The following DARS1 variants were observed in gnomAD, a reference collection of about 807,000 sequenced individuals.
The protein encoded by DARS1 is aspartate--tRNA ligase, cytoplasmic.
In DARS1, 51 loss-of-function variants were observed where a neutral mutation model predicts 68.8. The observed-to-expected ratio is 0.74, with a 90% confidence interval of 0.59 to 0.94. The LOEUF is 0.94. Ranked by LOEUF, DARS1 falls within the 40% of genes least tolerant of loss-of-function variation. The pLI, the probability that DARS1 is intolerant of heterozygous loss-of-function variation, is 0.00. For synonymous variants in DARS1, 203 were observed against 190.4 expected (o/e 1.07, Z -0.55); for missense variants, 607 against 597.3 (o/e 1.02, Z -0.17).
At chr2:135,922,251 A>C (rs1407548042) in intron 9 of DARS1, among the ~76,000 whole-genome samples, 1 of 152,214 alleles carries the variant, frequency 6.6e-6, no homozygotes, top group African/African-American at 2.4e-5. Context: ...TTGATAGCAA[A>C]TTAGACAGAG....
Position 135,985,618 on chromosome 2 carries a change from C to T in DARS1, c.-150G>A. ...CGGACTCCGCGTGGAGGTGCGGCTC[C>T]AGAAAGATCGCGAGAGCTGCGGCTA... On this transcript the variant is annotated 5_prime_UTR_variant, in exon 1 of 16. Coordinates refer to ENST00000264161, the MANE Select transcript of DARS1 (RefSeq NM_001349.4). The T allele has an allele frequency of 6.7e-7, 1 of 1,490,832 alleles. No homozygotes were observed. The highest frequency in any genetic ancestry group is 9.0e-7 in the Non-Finnish European group (1 of 1,112,238). 92.4% of individuals were successfully genotyped at this position (1,490,832 alleles called of 1,614,324 possible). A position where few individuals can be genotyped will look rare whatever the true frequency, so the allele number is the denominator to read the frequency against.
In DARS1 at chr2:135,906,175, C is replaced by T. The variant is rs1024224921; in HGVS notation, c.*1141G>A. Among the ~76,000 whole-genome samples, 3 of 152,082 alleles carry T rather than the reference C, an allele frequency of 2.0e-5. No individual in the cohort carries two copies. The highest frequency in any genetic ancestry group is 7.2e-5 in the African/African-American group (3 of 41,400). On this transcript the variant is annotated 3_prime_UTR_variant, in exon 16 of 16. Transcript: ENST00000264161. ...CTTTCAAACATAATGGGCAGATGTT[C>T]GTGGTCCAGGGGTAACTTCCTAACT...
intron 3 of DARS1, among the ~76,000 whole-genome samples, chr2:135,970,218 A>ACTCTAGC (rs942701670): frequency 1.4e-5 from 2 of 143,894 alleles, no homozygotes; most frequent in African/African-American, 5.3e-5. Context: ...TAACCACTGT[A>ACTCTAGC]CTCTAGCCTG....
intron 3 of DARS1, among the ~76,000 whole-genome samples, chr2:135,965,322 A>C (rs1682199124): frequency 1.3e-5 from 2 of 152,198 alleles, no homozygotes; most frequent in Admixed American, 1.3e-4. Flanking sequence ...AACCTATATA[A>C]ATTAATCTTT....
rs1467535909 is a variant in DARS1 at position 135,956,762 on chromosome 2, CTTAT to C, written c.320+4630_320+4633del. 3.9e-5 allele frequency among the ~76,000 whole-genome samples: 6 copies of C among 152,106 alleles called. No individual in the cohort carries two copies. In the East Asian group the frequency reaches 7.7e-4, roughly 20 times the overall value. The stretch of plus-strand genomic sequence containing the variant: ...TAAATCATTCTTTAAACCATGATAA[CTTAT>C]TTATTTATTTTTTTTGAGATGGAGT... On this transcript the variant is annotated intron_variant, in intron 4 of 15. Coordinates refer to ENST00000264161, the MANE Select transcript of DARS1 (RefSeq NM_001349.4).
chr2:135,935,264 T>C (rs1026249450), intron 5 of DARS1, among the ~76,000 whole-genome samples: 56 of 152,184 alleles, frequency 3.7e-4, no homozygotes, highest in African/African-American at 1.3e-3. Flanking sequence ...AGTCTCCTGG[T>C]TAGGAAATGC....
intron 9 of DARS1, among the ~76,000 whole-genome samples, chr2:135,921,102 A>G (rs942190602): frequency 6.7e-6 from 1 of 149,858 alleles, no homozygotes; most frequent in African/African-American, 2.4e-5. Flanking sequence ...AAGAGCCATT[A>G]GCTCAGTCCA....
At chr2:135,923,422 T>C (rs1353466929) in intron 8 of DARS1, among the ~76,000 whole-genome samples, 1 of 152,050 alleles carries the variant, frequency 6.6e-6, no homozygotes, top group Non-Finnish European at 1.5e-5. Context: ...CCCAAGTAGC[T>C]GGGACTACAG....
Position 135,916,293 on chromosome 2 carries a change from C to G in DARS1, c.1039G>C (p.Glu347Gln). 10 of 1,557,058 alleles carry G rather than the reference C, an allele frequency of 6.4e-6. No individual in the cohort carries two copies. Among genetic ancestry groups the G allele is most frequent in the Non-Finnish European group, 8.9e-6 (10 of 1,127,898 alleles). The change falls in exon 11 of 16, where the codon GAA becomes CAA. Residue 347 changes from glutamate to glutamine, a missense_variant. Physicochemically the swap from Glu to Gln is conservative, Grantham distance 29. Transcript: ENST00000264161. ...FKFLEPTLRL[E>Q]YCEALAMLRE... Reference sequence around the variant, plus strand: ...AGCATAGCCAATGCTTCACAATATTCTAGTCTTAGAGTTGGCTCCAAAAAT... The same window carrying G: ...AGCATAGCCAATGCTTCACAATATTGTAGTCTTAGAGTTGGCTCCAAAAAT...
intron 7 of DARS1, among the ~76,000 whole-genome samples, 188 bp from the exon 8 acceptor site, chr2:135,924,686 T>C (rs1681177362): frequency 1.3e-5 from 2 of 152,216 alleles, no homozygotes; most frequent in South Asian, 4.1e-4. Context: ...ACAATGACTA[T>C]ATATGATCAT....
chr2:135,962,205 CCTT>C (rs1266384634), intron 3 of DARS1, among the ~76,000 whole-genome samples: 1 of 152,066 alleles, frequency 6.6e-6, no homozygotes, highest in Admixed American at 6.6e-5. Flanking sequence ...CCTCTTTATT[CCTT>C]CTTCTTTGAT....
At chr2:135,924,847 T>C (rs1681180699) in intron 7 of DARS1, among the ~76,000 whole-genome samples, 1 of 152,182 alleles carries the variant, frequency 6.6e-6, no homozygotes, top group African/African-American at 2.4e-5. Context: ...AAGTGAGACA[T>C]AGCAATGTTT....
Position 135,922,875 on chromosome 2 carries a change from A to T in DARS1, c.720T>A (p.Phe240Leu). 6.3e-7 allele frequency: 1 copy of T among 1,581,246 alleles called. No homozygotes were observed. Among genetic ancestry groups the T allele is most frequent in the East Asian group, 2.3e-5 (1 of 42,998 alleles). The part of the protein sequence containing the change: ...GGANVFTVSY[F>L]KNNAYLAQSP... ...ACTGAGCCAGGTATGCATTATTTTT[A>T]AAATATGACACAGTAAAAACATTGG... The change falls in exon 9 of 16, where the codon TTT (phenylalanine) becomes TTA (leucine). Residue 240 changes from phenylalanine to leucine, a missense_variant. Coordinates refer to ENST00000264161, the MANE Select transcript of DARS1 (RefSeq NM_001349.4).
chr2:135,984,109 A>C (rs1190181962), intron 1 of DARS1, among the ~76,000 whole-genome samples: 3 of 152,238 alleles, frequency 2.0e-5, no homozygotes, highest in African/African-American at 7.2e-5. Context: ...AGGAAACAGA[A>C]GACCTAGGGT....
chr2:135,918,692 A>G (rs1225246366), intron 10 of DARS1, among the ~76,000 whole-genome samples: 1 of 107,640 alleles, frequency 9.3e-6, no homozygotes, highest in East Asian at 3.0e-4. Flanking sequence ...GAAATGTCAA[A>G]CTCTATTATT....
intron 4 of DARS1, among the ~76,000 whole-genome samples, chr2:135,960,868 G>A (rs1014228072): frequency 1.3e-5 from 2 of 152,156 alleles, no homozygotes; most frequent in African/African-American, 4.8e-5. Flanking sequence ...GACTTTTACA[G>A]GAGGAAAAAG....
chr2:135,937,492 A>G (rs1681496040), intron 5 of DARS1, among the ~76,000 whole-genome samples: 1 of 152,222 alleles, frequency 6.6e-6, no homozygotes, highest in Non-Finnish European at 1.5e-5. Flanking sequence ...TGTAAAAAAT[A>G]TCAGAAAAGT....
chr2:135,946,161 C>G (rs1681715577), intron 4 of DARS1, among the ~76,000 whole-genome samples: 1 of 152,062 alleles, frequency 6.6e-6, no homozygotes. Context: ...TACTTGCGTA[C>G]ATTACTGCAG....
chr2:135,921,212 A>G (rs1368713963), intron 9 of DARS1, among the ~76,000 whole-genome samples: 2 of 151,436 alleles, frequency 1.3e-5, no homozygotes, highest in South Asian at 2.1e-4. Context: ...TAATATTCCT[A>G]TAATACATCC....
Sources: gnomAD v4.1 joint callset for allele counts (sites outside exome capture counted in the v4.1 genomes callset) on GRCh38, gnomAD v4.1.1 for gene constraint, MANE v1.5 for transcripts, NCBI Gene and HGNC (gene_info 2026-07-23, HGNC 2026-07-21) for gene names.